SMG7: variants seen among roughly 807,000 people sequenced by gnomAD.
SMG7 encodes SMG7 nonsense mediated mRNA decay factor.
SMG7 carries 34 observed loss-of-function variants against 148.2 expected under a neutral mutation model. That is an observed-to-expected ratio of 0.23 (90% CI 0.17 to 0.31). The LOEUF (loss-of-function observed/expected upper bound fraction) is 0.31, where lower values mean the gene tolerates loss of function less well. Ranked by LOEUF, SMG7 falls within the 10% of genes least tolerant of loss-of-function variation. The probability of loss-of-function intolerance (pLI) is 1.00; values close to 1 mark genes in which losing one functional copy is unlikely to be tolerated. For synonymous variants in SMG7, 492 were observed against 515.1 expected (o/e 0.96, Z 0.61); for missense variants, 1,114 against 1,408.4 (o/e 0.79, Z 3.35).
chr1:183,511,133 T>G (rs1460906182), intron 1 of SMG7, among the ~76,000 whole-genome samples: 1 of 151,116 alleles, frequency 6.6e-6, no homozygotes, highest in Non-Finnish European at 1.5e-5. Context: ...CCAGTCTCTC[T>G]CTCTCAAAAA....
intron 1 of SMG7, among the ~76,000 whole-genome samples, chr1:183,480,747 A>G (rs944641880): frequency 1.3e-5 from 2 of 152,190 alleles, no homozygotes; most frequent in African/African-American, 4.8e-5. Context: ...TGCGTTTAGC[A>G]TCAAGATTTC....
intron 1 of SMG7, among the ~76,000 whole-genome samples, chr1:183,501,848 T>C (rs1375202540): frequency 6.6e-6 from 1 of 152,228 alleles, no homozygotes; most frequent in Non-Finnish European, 1.5e-5. Flanking sequence ...TAATTGTGTT[T>C]TAATTGTTTT....
At chr1:183,534,056 T>A (rs1667312441) in intron 10 of SMG7, among the ~76,000 whole-genome samples, 1 of 152,224 alleles carries the variant, frequency 6.6e-6, no homozygotes, top group Admixed American at 6.5e-5. Context: ...CCTTGTACAC[T>A]CCCTTGTTCC....
chr1:183,520,607 G>A (rs528923578), intron 4 of SMG7, among the ~76,000 whole-genome samples: 3 of 152,228 alleles, frequency 2.0e-5, no homozygotes, highest in East Asian at 1.9e-4. Flanking sequence ...GGCTCTGTTG[G>A]GGGGAGGGGG....
intron 1 of SMG7, among the ~76,000 whole-genome samples, chr1:183,487,627 T>C (rs985575353): frequency 6.6e-6 from 1 of 152,250 alleles, no homozygotes; most frequent in South Asian, 2.1e-4. Context: ...TTTGCATCCC[T>C]GATCCTAACA....
intron 1 of SMG7, among the ~76,000 whole-genome samples, chr1:183,503,131 CTG>C (rs1229213010): frequency 3.9e-5 from 6 of 152,218 alleles, no homozygotes; most frequent in African/African-American, 1.4e-4. Context: ...TTTAACCACT[CTG>C]TGCATCTATT....
intron 1 of SMG7, chr1:183,472,924 G>T (rs1651076736): frequency 2.6e-6 from 1 of 389,792 alleles, no homozygotes; most frequent in Non-Finnish European, 4.5e-6. Context: ...GCGCGCCCTT[G>T]GTCTCGGGTT....
chr1:183,537,578 A>G (rs993323548), intron 11 of SMG7, among the ~76,000 whole-genome samples: 1 of 152,138 alleles, frequency 6.6e-6, no homozygotes, highest in African/African-American at 2.4e-5. Context: ...AAGAACACAA[A>G]TCTCCCATAC....
chr1:183,547,543 TCACTTTG>T (rs1209312769), intron 18 of SMG7, among the ~76,000 whole-genome samples: 1 of 152,204 alleles, frequency 6.6e-6, no homozygotes, highest in Non-Finnish European at 1.5e-5. Flanking sequence ...ACAAATTAAC[TCACTTTG>T]CAGGTGACAC....
At chr1:183,515,334 G>T (rs960379072) in intron 2 of SMG7, among the ~76,000 whole-genome samples, 2 of 152,172 alleles carry the variant, frequency 1.3e-5, no homozygotes, top group African/African-American at 4.8e-5. Flanking sequence ...AATATATTGA[G>T]AGAGGAGTAA....
At chr1:183,493,850 G>A (rs1288805385) in intron 1 of SMG7, among the ~76,000 whole-genome samples, 1 of 152,202 alleles carries the variant, frequency 6.6e-6, no homozygotes. Context: ...AGAGTGCTAG[G>A]ATTACAGGCG....
At chr1:183,549,976 G>C in intron 20 of SMG7, 53 bp downstream of exon 20, 1 of 1,214,492 alleles carries the variant, frequency 8.2e-7, no homozygotes, top group Non-Finnish European at 1.2e-6. Context: ...CACTCAGATT[G>C]ATTAAGGGAT....
chr1:183,529,081 A>T lies in SMG7; in HGVS notation c.707+39A>T, dbSNP rs201758303. On this transcript the variant is annotated intron_variant, in intron 7 of 22. Coordinates refer to ENST00000688051, the MANE Select transcript of SMG7 (RefSeq NM_001375584.1). ...GTTTTTTTTTTCTCTTTCCAAGAGG[A>T]CTTTGTAACCTGGAGCCTTAATTCC... The T allele has an allele frequency of 1.4e-3, 2,236 of 1,565,364 alleles. 2 individuals carry two copies. Among genetic ancestry groups the T allele is most frequent in the Non-Finnish European group, 1.8e-3 (2,096 of 1,158,898 alleles).
chr1:183,505,097 G>A (rs1432086065), intron 1 of SMG7, among the ~76,000 whole-genome samples: 2 of 150,336 alleles, frequency 1.3e-5, no homozygotes, highest in Non-Finnish European at 3.0e-5. Context: ...ACTCTCAAGT[G>A]TCTCCCATTG....
At chr1:183,551,284 GGAGTT>G in intron 22 of SMG7, 94 bp downstream of exon 22, 4 of 1,224,924 alleles carry the variant, frequency 3.3e-6, no homozygotes, top group Non-Finnish European at 4.5e-6. Flanking sequence ...TCAGGCCCTC[GGAGTT>G]GACTGATACA....
Position 183,539,751 on chromosome 1 carries a change from G to A in SMG7, c.1296-1233G>A, listed in dbSNP as rs148062395. Among the ~76,000 whole-genome samples the A allele has an allele frequency of 1.6e-3, 237 of 152,282 alleles. 1 individual carries two copies. Among genetic ancestry groups the A allele is most frequent in the African/African-American group, 5.4e-3 (226 of 41,556 alleles). On this transcript the variant is annotated intron_variant, in intron 12 of 22. Transcript: ENST00000688051. ...TGTTTCTATTTGTCTTTCTCACCAA[G>A]CCTTTATAATTATGTGTCTGAAATG...
At chr1:183,488,564 A>G (rs1656085191) in intron 1 of SMG7, among the ~76,000 whole-genome samples, 2 of 151,916 alleles carry the variant, frequency 1.3e-5, no homozygotes, top group African/African-American at 2.4e-5. Flanking sequence ...TACACTAAGC[A>G]TGTGTCAAGT....
chr1:183,500,846 G>T (rs1659567961), intron 1 of SMG7, among the ~76,000 whole-genome samples: 1 of 152,192 alleles, frequency 6.6e-6, no homozygotes. Flanking sequence ...AAAGTGTAAA[G>T]TGAAAAGCTG....
chr1:183,530,829 C>G (rs1666723500), intron 8 of SMG7, among the ~76,000 whole-genome samples: 1 of 152,068 alleles, frequency 6.6e-6, no homozygotes, highest in South Asian at 2.1e-4. Flanking sequence ...GCTTCCAGCT[C>G]TGGTTCTGTG....
Sources: allele counts gnomAD v4.1 joint callset (sites outside exome capture counted in the v4.1 genomes callset), GRCh38; gene constraint gnomAD v4.1.1; transcripts MANE v1.5; gene names NCBI Gene and HGNC (gene_info 2026-07-23, HGNC 2026-07-21).